The following APBA2 variants were observed in gnomAD, a reference collection of about 807,000 sequenced individuals.
APBA2 encodes the protein amyloid-beta A4 precursor protein-binding family A member 2.
In APBA2, 30 loss-of-function variants were observed where a neutral mutation model predicts 75.0. The observed-to-expected ratio is 0.40, with a 90% CI of 0.30 to 0.54. The LOEUF is 0.54. Ranked by LOEUF, APBA2 falls within the 20% of genes least tolerant of loss-of-function variation. The pLI, the probability that APBA2 is intolerant of heterozygous loss-of-function variation, is 0.49. For missense variants in APBA2, 801 were observed against 1,016.1 expected (o/e 0.79, Z 2.88); for synonymous variants, 444 against 409.6 (o/e 1.08, Z -1.01).
intron 2 of APBA2, among the ~76,000 whole-genome samples, chr15:28,953,045 C>G (rs151097159): frequency 5.3e-4 from 80 of 152,248 alleles, no homozygotes; most frequent in African/African-American, 1.8e-3. Flanking sequence ...TGTTGCTTCC[C>G]TGGGACCTGG....
At chr15:29,062,476 A>G (rs954249063) in intron 4 of APBA2, among the ~76,000 whole-genome samples, 5 of 152,168 alleles carry the variant, frequency 3.3e-5, no homozygotes, top group African/African-American at 9.7e-5. Flanking sequence ...CTTGATGTTC[A>G]GAAGCTCAGG....
chr15:28,929,513 G>A (rs1475843002), intron 2 of APBA2, among the ~76,000 whole-genome samples: 1 of 152,194 alleles, frequency 6.6e-6, no homozygotes, highest in African/African-American at 2.4e-5. Flanking sequence ...CTGATGGGCT[G>A]TCTTTAGCAT....
chr15:29,002,443 G>A (rs1178890487), intron 3 of APBA2, among the ~76,000 whole-genome samples: 2 of 152,116 alleles, frequency 1.3e-5, no homozygotes, highest in African/African-American at 4.8e-5. Context: ...GCAGAGGAAA[G>A]GGTGATGGCA....
intron 3 of APBA2, among the ~76,000 whole-genome samples, chr15:29,014,392 A>C (rs1595729393): frequency 6.6e-6 from 1 of 152,210 alleles, no homozygotes; most frequent in Non-Finnish European, 1.5e-5. Flanking sequence ...TAGCTCTAAT[A>C]ATTACCACTT....
chr15:29,076,013 T>C (rs1300582369), intron 5 of APBA2, 42 bp from the exon 6 acceptor site: 1 of 1,599,588 alleles, frequency 6.3e-7, no homozygotes, highest in South Asian at 1.1e-5. Flanking sequence ...GCTACCTACT[T>C]AACAATTGTT....
intron 4 of APBA2, among the ~76,000 whole-genome samples, chr15:29,055,648 G>A (rs1464703425): frequency 1.3e-5 from 2 of 148,646 alleles, no homozygotes; most frequent in Non-Finnish European, 3.0e-5. Flanking sequence ...ATTTTTTTCC[G>A]AGAAGAGTTC....
intron 2 of APBA2, among the ~76,000 whole-genome samples, chr15:28,955,640 A>G (rs556045228): frequency 1.3e-5 from 2 of 152,362 alleles, no homozygotes; most frequent in South Asian, 2.1e-4. Context: ...AGCCAGTTTT[A>G]TAGTCATTTA....
chr15:29,115,493 C>G (rs1435757840), intron 14 of APBA2, among the ~76,000 whole-genome samples: 1 of 152,098 alleles, frequency 6.6e-6, no homozygotes, highest in Non-Finnish European at 1.5e-5. Context: ...TGCTTTGAAG[C>G]GGCCGCCCCC....
intron 2 of APBA2, among the ~76,000 whole-genome samples, chr15:28,930,299 C>G (rs1357773483): frequency 6.6e-6 from 1 of 151,838 alleles, no homozygotes; most frequent in Non-Finnish European, 1.5e-5. Context: ...GCGCTGAGCT[C>G]TCCACGATGG....
chr15:28,944,694 G>C (rs146008946), intron 2 of APBA2, among the ~76,000 whole-genome samples: 18 of 152,358 alleles, frequency 1.2e-4, no homozygotes, highest in African/African-American at 4.3e-4. Context: ...GCTGTACTGT[G>C]CAGAGATACG....
rs375358722 is a variant in APBA2 at position 29,033,229 on chromosome 15, T to G, written c.-40-20616T>G. Among the ~76,000 whole-genome samples, 29 of 151,886 alleles carry G rather than the reference T, an allele frequency of 1.9e-4. No individual in the cohort carries two copies. In the East Asian group the frequency reaches 4.4e-3, roughly 23 times the overall value. On this transcript the variant is annotated intron_variant, in intron 3 of 14. Transcript: ENST00000683413. ...ATCAGGGTTAGACAAGGCCCACGTCTGCTGCCCAGCCCTCTCCTCTTTGAT... is the reference window on the plus strand; with the variant it reads ...ATCAGGGTTAGACAAGGCCCACGTCGGCTGCCCAGCCCTCTCCTCTTTGAT...
chr15:29,097,179 T>G (rs2043889093), intron 8 of APBA2, among the ~76,000 whole-genome samples: 1 of 152,274 alleles, frequency 6.6e-6, no homozygotes, highest in Non-Finnish European at 1.5e-5. Context: ...GCTGACATTT[T>G]CATTCAGCTT....
chr15:29,102,192 G>A, intron 10 of APBA2: 1 of 305,726 alleles, frequency 3.3e-6, no homozygotes, highest in South Asian at 3.2e-5. Context: ...GCCTTTGCGT[G>A]TGGTCTTCAG....
intron 2 of APBA2, among the ~76,000 whole-genome samples, chr15:28,954,534 C>A (rs997745488): frequency 2.6e-5 from 4 of 152,190 alleles, no homozygotes; most frequent in African/African-American, 7.2e-5. Context: ...GGTAACCCCC[C>A]ACCATGCACA....
At chr15:29,028,078 GC>G (rs1339817782) in intron 3 of APBA2, among the ~76,000 whole-genome samples, 3 of 151,588 alleles carry the variant, frequency 2.0e-5, no homozygotes, top group Non-Finnish European at 4.4e-5. Context: ...ATGGTGGTTT[GC>G]TGCACCTATC....
At chr15:28,916,952 TAG>T (rs2033713686) in intron 1 of APBA2, among the ~76,000 whole-genome samples, 1 of 152,166 alleles carries the variant, frequency 6.6e-6, no homozygotes, top group African/African-American at 2.4e-5. Flanking sequence ...AAATTTTCGA[TAG>T]AGAATGCTGA....
chr15:28,964,644 C>T (rs145346562), intron 2 of APBA2, among the ~76,000 whole-genome samples: 4,877 of 151,922 alleles, frequency 0.032, 282 homozygotes, highest in African/African-American at 0.11. Context: ...CCTGCCACCA[C>T]GCCTGGCTAA....
chr15:29,094,280 G>A lies in APBA2; in HGVS notation c.1218G>A (p.Arg406=), dbSNP rs1248499482. 4 of 1,614,228 alleles carry A rather than the reference G, an allele frequency of 2.5e-6. No homozygotes were observed. The highest frequency in any genetic ancestry group is 2.5e-6 in the Non-Finnish European group (3 of 1,180,038). Residue 406 remains arginine (R), a splice_region_variant and synonymous_variant, in exon 8 of 15, where the codon AGG becomes AGA. Coordinates refer to ENST00000683413, the MANE Select transcript of APBA2 (RefSeq NM_001353788.2). ...QAQEAVSRVK[R]MQKAAKIKKK... ...TCTTTTCTCTTCCATGCTGTCAGAGGATGCAAAAGGCTGCTAAGATCAAGA... is the reference window on the plus strand; with the variant it reads ...TCTTTTCTCTTCCATGCTGTCAGAGAATGCAAAAGGCTGCTAAGATCAAGA...
At chr15:29,057,245 G>A (rs776277709) in intron 4 of APBA2, among the ~76,000 whole-genome samples, 5 of 152,140 alleles carry the variant, frequency 3.3e-5, no homozygotes, top group African/African-American at 7.2e-5. Flanking sequence ...GGGGAGCCCC[G>A]CCCCCACATT....
Sources: gnomAD v4.1 joint callset for allele counts (sites outside exome capture counted in the v4.1 genomes callset) on GRCh38, gnomAD v4.1.1 for gene constraint, MANE v1.5 for transcripts, NCBI Gene and HGNC (gene_info 2026-07-23, HGNC 2026-07-21) for gene names.